The following KIF6 variants were observed in gnomAD, a reference collection of about 807,000 sequenced individuals.
KIF6 encodes kinesin family member 6, also known as kinesin-like protein KIF6.
A neutral mutation model predicts 112.7 loss-of-function variants in KIF6; 106 were observed. That is an observed-to-expected ratio of 0.94 (90% CI 0.80 to 1.11). KIF6 has a LOEUF of 1.11. Among genes scored for constraint, KIF6 ranks in the 50% least tolerant of loss-of-function variants. The pLI is 0.00. For synonymous variants in KIF6, 339 were observed against 339.9 expected, an observed-to-expected ratio of 1.00 and a Z score of 0.03; for missense variants, 929 against 964.0, an observed-to-expected ratio of 0.96 and a Z score of 0.48.
chr6:39,422,892 G>A (rs1404834401), intron 14 of KIF6, among the ~76,000 whole-genome samples: 1 of 152,178 alleles, frequency 6.6e-6, no homozygotes, highest in Non-Finnish European at 1.5e-5. Flanking sequence ...GGCTCAGGGA[G>A]CCAACTTTTG....
intron 17 of KIF6, among the ~76,000 whole-genome samples, 195 bp from the exon 18 acceptor site, chr6:39,360,725 G>A (rs960197013): frequency 3.9e-5 from 6 of 152,188 alleles, no homozygotes; most frequent in Non-Finnish European, 8.8e-5. Context: ...AGAAGCAGAC[G>A]GAGACATTTT....
intron 3 of KIF6, among the ~76,000 whole-genome samples, chr6:39,680,246 G>A (rs899221876): frequency 2.0e-5 from 3 of 151,674 alleles, no homozygotes; most frequent in Non-Finnish European, 2.9e-5. Context: ...GACCTCAAGT[G>A]ACCCGCCCAC....
chr6:39,508,676 A>C (rs1562274113), intron 13 of KIF6, among the ~76,000 whole-genome samples: 2 of 152,080 alleles, frequency 1.3e-5, no homozygotes, highest in Non-Finnish European at 2.9e-5. Flanking sequence ...TCCGCCATTG[A>C]TGAGGCTTGA....
intron 13 of KIF6, among the ~76,000 whole-genome samples, chr6:39,454,663 A>G (rs906866223): frequency 1.3e-5 from 2 of 152,114 alleles, no homozygotes; most frequent in Admixed American, 1.3e-4. Context: ...GTGGGTGCGC[A>G]CACCGTGCGC....
At chr6:39,525,622 G>A (rs556719657) in intron 13 of KIF6, among the ~76,000 whole-genome samples, 4 of 152,018 alleles carry the variant, frequency 2.6e-5, no homozygotes, top group African/African-American at 9.6e-5. Flanking sequence ...GGGCATGGTG[G>A]TGGGTACCTA....
chr6:39,635,075 A>G (rs1466846847), intron 4 of KIF6, 117 bp from the exon 5 acceptor site: 1 of 637,696 alleles, frequency 1.6e-6, no homozygotes, highest in African/African-American at 1.9e-5. Context: ...CTCTCACTTT[A>G]TATGGTTTAC....
At chr6:39,603,235 A>G (rs1561855013) in intron 6 of KIF6, among the ~76,000 whole-genome samples, 1 of 152,144 alleles carries the variant, frequency 6.6e-6, no homozygotes, top group Non-Finnish European at 1.5e-5. Context: ...GGTGGCTTCA[A>G]AATGTTCATA....
intron 18 of KIF6, among the ~76,000 whole-genome samples, chr6:39,358,893 C>T (rs553830356): frequency 6.6e-6 from 1 of 152,098 alleles, no homozygotes; most frequent in African/African-American, 2.4e-5. Context: ...GTCATTTCAT[C>T]ATGACTTTGA....
At chr6:39,562,924 T>C (rs1250917959) in intron 10 of KIF6, among the ~76,000 whole-genome samples, 1 of 152,174 alleles carries the variant, frequency 6.6e-6, no homozygotes, top group Non-Finnish European at 1.5e-5. Flanking sequence ...TGCATGTTCA[T>C]TGCAAAATGT....
chr6:39,355,761 CA>C (rs1764624887), intron 19 of KIF6, among the ~76,000 whole-genome samples: 1 of 149,488 alleles, frequency 6.7e-6, no homozygotes, highest in East Asian at 2.0e-4. Context: ...CACGCCTGGA[CA>C]ATAGTTGTTT....
Position 39,422,228 on chromosome 6 carries a change from C to T in KIF6, c.1755-2225G>A, listed in dbSNP as rs577123164. On this transcript the variant is annotated intron_variant, in intron 14 of 22. Coordinates refer to ENST00000287152, the MANE Select transcript of KIF6 (RefSeq NM_145027.6). ...CATAAGCAGAAGAAGGACTTTCCAC[C>T]GCAGTGCTGCCCAGAGAATCCCTGA... Among the ~76,000 whole-genome samples, 23 of 152,248 alleles carry T rather than the reference C, an allele frequency of 1.5e-4. No homozygotes were observed. The South Asian group carries it at 2.9e-3, about 19-fold the overall frequency.
At chr6:39,605,919 G>A (rs540874531) in intron 6 of KIF6, among the ~76,000 whole-genome samples, 26 of 152,000 alleles carry the variant, frequency 1.7e-4, no homozygotes, top group African/African-American at 5.1e-4. Flanking sequence ...TTTCAGTTAC[G>A]TCCTTTTCAT....
chr6:39,372,552 A>G (rs867254570), intron 16 of KIF6, among the ~76,000 whole-genome samples: 1 of 152,214 alleles, frequency 6.6e-6, no homozygotes, highest in Non-Finnish European at 1.5e-5. Flanking sequence ...AAGCCTTGGA[A>G]TCTAATCCTT....
chr6:39,551,362 G>A (rs184859949), intron 10 of KIF6, among the ~76,000 whole-genome samples: 10 of 152,188 alleles, frequency 6.6e-5, no homozygotes, highest in Admixed American at 6.5e-4. Context: ...GGAGAGAGAG[G>A]ATAAAGAGAG....
chr6:39,658,878 G>A (rs543485625), intron 3 of KIF6, among the ~76,000 whole-genome samples: 1 of 152,212 alleles, frequency 6.6e-6, no homozygotes, highest in East Asian at 1.9e-4. Flanking sequence ...TTAAGTACTG[G>A]GGCTTTCTTT....
At chr6:39,498,410 C>A (rs1775910547) in intron 13 of KIF6, among the ~76,000 whole-genome samples, 1 of 152,098 alleles carries the variant, frequency 6.6e-6, no homozygotes, top group South Asian at 2.1e-4. Flanking sequence ...GAAAGAACAG[C>A]ACAATGAATG....
intron 3 of KIF6, among the ~76,000 whole-genome samples, chr6:39,682,951 A>G (rs1429302848): frequency 6.6e-6 from 1 of 152,240 alleles, no homozygotes; most frequent in Non-Finnish European, 1.5e-5. Flanking sequence ...CTGAGATCTA[A>G]GCGATAAGGA....
intron 13 of KIF6, among the ~76,000 whole-genome samples, chr6:39,535,574 T>C (rs910770903): frequency 1.3e-5 from 2 of 152,018 alleles, no homozygotes; most frequent in Non-Finnish European, 2.9e-5. Flanking sequence ...AAGTCCTGAG[T>C]GACCTATAAA....
intron 3 of KIF6, among the ~76,000 whole-genome samples, chr6:39,682,228 T>C (rs928485425): frequency 1.3e-5 from 2 of 152,220 alleles, no homozygotes; most frequent in Non-Finnish European, 2.9e-5. Flanking sequence ...AAATCCTTCA[T>C]TTGGAGATTT....
Sources: gnomAD v4.1 joint callset for allele counts (sites outside exome capture counted in the v4.1 genomes callset) on GRCh38, gnomAD v4.1.1 for gene constraint, MANE v1.5 for transcripts, NCBI Gene and HGNC (gene_info 2026-07-23, HGNC 2026-07-21) for gene names.